Variants in RUBCN observed in about 807,000 individuals in gnomAD.
RUBCN encodes run domain Beclin-1-interacting and cysteine-rich domain-containing protein.
RUBCN carries 74 observed loss-of-function variants against 113.2 expected under a neutral mutation model. The observed-to-expected ratio is 0.65, with a 90% CI of 0.54 to 0.79. The LOEUF is 0.79. Ranked by LOEUF, RUBCN falls within the 30% of genes least tolerant of loss-of-function variation. The probability of loss-of-function intolerance (pLI) is 0.00; values close to 1 mark genes in which losing one functional copy is unlikely to be tolerated. For synonymous variants in RUBCN, 480 were observed against 490.0 expected (o/e 0.98, Z 0.27); for missense variants, 1,109 against 1,251.7 (o/e 0.89, Z 1.72).
chr3:197,729,957 A>C (rs1373120622), intron 1 of RUBCN, among the ~76,000 whole-genome samples: 1 of 152,176 alleles, frequency 6.6e-6, no homozygotes, highest in African/African-American at 2.4e-5. Flanking sequence ...TGAGCCACCA[A>C]ATCCAGCCAA....
chr3:197,685,594 G>A (rs1382903088), intron 11 of RUBCN, among the ~76,000 whole-genome samples: 3 of 152,174 alleles, frequency 2.0e-5, no homozygotes, highest in Non-Finnish European at 2.9e-5. Flanking sequence ...ACAAACTAAT[G>A]TCTTCAAAGC....
At chr3:197,690,962 C>T (rs1722354465) in intron 11 of RUBCN, 1 of 543,588 alleles carries the variant, frequency 1.8e-6, no homozygotes, top group South Asian at 1.6e-5. Flanking sequence ...TCTCCAGCCC[C>T]TACAGTCCTC....
intron 2 of RUBCN, among the ~76,000 whole-genome samples, chr3:197,707,936 C>A (rs2108927618): frequency 6.6e-6 from 1 of 150,810 alleles, no homozygotes; most frequent in Non-Finnish European, 1.5e-5. Flanking sequence ...TGCCCTCCAG[C>A]TTGGGCAATA....
intron 7 of RUBCN, among the ~76,000 whole-genome samples, chr3:197,697,990 G>C (rs1723197957): frequency 6.6e-6 from 1 of 152,164 alleles, no homozygotes; most frequent in South Asian, 2.1e-4. Flanking sequence ...ACTGAACTGA[G>C]GACAAACTAG....
rs149170881 is a variant in RUBCN at position 197,707,277 on chromosome 3, A to T, written c.220-2102T>A. On this transcript the variant is annotated intron_variant, in intron 2 of 19. Transcript: ENST00000296343. ...AACCCGGGAGGCAGAGCTTGCAATG[A>T]GCCGAGATGGCGCCACTGCACTCCA... Among the ~76,000 whole-genome samples, 868 of 152,210 alleles carry T rather than the reference A, an allele frequency of 5.7e-3. 7 individuals are homozygous for T. The highest frequency in any genetic ancestry group is 0.017 in the South Asian group (83 of 4,818).
At chr3:197,686,580 G>T (rs1580189846) in intron 11 of RUBCN, among the ~76,000 whole-genome samples, 1 of 152,296 alleles carries the variant, frequency 6.6e-6, no homozygotes, top group East Asian at 1.9e-4. Flanking sequence ...CAACTAAGTT[G>T]ACACGGGTGA....
At chr3:197,716,744 T>C (rs1197213556) in intron 2 of RUBCN, among the ~76,000 whole-genome samples, 1 of 152,066 alleles carries the variant, frequency 6.6e-6, no homozygotes, top group Non-Finnish European at 1.5e-5. Context: ...CCAGTATAAT[T>C]GTAAGAGTCC....
Position 197,674,960 on chromosome 3 carries a change from T to C in RUBCN, c.*58A>G. 13 of 1,471,572 alleles carry C rather than the reference T, an allele frequency of 8.8e-6. No individual in the cohort carries two copies. The highest frequency in any genetic ancestry group is 1.2e-5 in the Non-Finnish European group (13 of 1,098,550). The allele number at this position is 1,471,572 out of a possible 1,614,324, so 91.2% of individuals were successfully genotyped here. A position where few individuals can be genotyped will look rare whatever the true frequency, so the allele number is the denominator to read the frequency against. On this transcript the variant is annotated 3_prime_UTR_variant, in exon 20 of 20. Transcript: ENST00000296343. ...CAGGTGGGGCGAGTCCTTCAAAGAG[T>C]GGCTCAGTTCTGCAACAGGTGTGAC...
intron 1 of RUBCN, among the ~76,000 whole-genome samples, chr3:197,721,165 T>C (rs1726117854): frequency 6.6e-6 from 1 of 152,198 alleles, no homozygotes; most frequent in South Asian, 2.1e-4. Flanking sequence ...TTCGATTTTG[T>C]GGAATAATTT....
At chr3:197,747,871 A>G (rs1000827491) in intron 1 of RUBCN, among the ~76,000 whole-genome samples, 4 of 152,040 alleles carry the variant, frequency 2.6e-5, no homozygotes, top group African/African-American at 9.7e-5. Flanking sequence ...AACTAAAGTC[A>G]GTGAAAAAGT....
Position 197,689,698 on chromosome 3 carries a change from A to G in RUBCN, c.1786+4017T>C, listed in dbSNP as rs75089812. Among the ~76,000 whole-genome samples the G allele has an allele frequency of 1.5e-4, 23 of 152,354 alleles. No homozygotes were observed. The East Asian group carries it at 4.2e-3, about 28-fold the overall frequency. On this transcript the variant is annotated intron_variant, in intron 11 of 19. Transcript: ENST00000296343. ...TTAAAAAAATTAAGTTGATACCATA[A>G]TATTTGTACATATTGACAGGGCACA...
intron 9 of RUBCN, among the ~76,000 whole-genome samples, chr3:197,695,453 T>A (rs112724377): frequency 0.017 from 2,582 of 152,062 alleles, 43 homozygotes; most frequent in South Asian, 0.043. Flanking sequence ...ATAAAAAAAA[T>A]AGCCAGGTGT....
intron 16 of RUBCN, among the ~76,000 whole-genome samples, 194 bp downstream of exon 16, chr3:197,680,935 C>T (rs978310572): frequency 9.4e-5 from 14 of 149,588 alleles, no homozygotes; most frequent in Admixed American, 6.1e-4. Context: ...TTTGACACTG[C>T]GATAACAAGA....
chr3:197,744,373 A>G lies in RUBCN; in HGVS notation c.-116+4896T>C, dbSNP rs181212743. On this transcript the variant is annotated intron_variant, in intron 1 of 20. Transcript: ENST00000273582. Reference sequence around the variant, plus strand: ...ATCAACATTCAAAATTTGATAGCCAATGTAATTCGCCATATTAATACATTT... The same window carrying G: ...ATCAACATTCAAAATTTGATAGCCAGTGTAATTCGCCATATTAATACATTT... Among the ~76,000 whole-genome samples, 24 of 152,356 alleles carry G rather than the reference A, an allele frequency of 1.6e-4. 1 individual carries two copies. The highest frequency in any genetic ancestry group is 1.4e-3 in the Admixed American group (21 of 15,296).
chr3:197,739,533 A>AC (rs1462039817), upstream of RUBCN, among the ~76,000 whole-genome samples: 2 of 151,566 alleles, frequency 1.3e-5, no homozygotes, highest in Non-Finnish European at 2.9e-5. Flanking sequence ...CTCTACTAAA[A>AC]ATACAACAAA....
chr3:197,746,395 C>G (rs914148510), intron 1 of RUBCN, among the ~76,000 whole-genome samples: 2 of 152,104 alleles, frequency 1.3e-5, no homozygotes, highest in Non-Finnish European at 2.9e-5. Context: ...TCTGGCACGC[C>G]TCAATCATTC....
At chr3:197,736,565 G>A in intron 1 of RUBCN, 90 bp downstream of exon 1, 20 of 1,308,344 alleles carry the variant, frequency 1.5e-5, no homozygotes, top group Non-Finnish European at 2.1e-5. Context: ...GTCGCGCCCG[G>A]CCCTTCTCTC....
At chr3:197,693,301 T>A (rs1369069730) in intron 11 of RUBCN, among the ~76,000 whole-genome samples, 1 of 152,176 alleles carries the variant, frequency 6.6e-6, no homozygotes, top group Non-Finnish European at 1.5e-5. Flanking sequence ...TCCTCTTTTG[T>A]CCCCCTGCCC....
chr3:197,742,098 T>C (rs1728549432), intron 1 of RUBCN, among the ~76,000 whole-genome samples: 1 of 151,852 alleles, frequency 6.6e-6, no homozygotes, highest in African/African-American at 2.4e-5. Context: ...GGTTTCACTG[T>C]GTTAGCCAGG....
Sources: allele counts gnomAD v4.1 joint callset (sites outside exome capture counted in the v4.1 genomes callset), GRCh38; gene constraint gnomAD v4.1.1; transcripts MANE v1.5; gene names NCBI Gene and HGNC (gene_info 2026-07-23, HGNC 2026-07-21).